SOX6: variants seen among roughly 807,000 people sequenced by gnomAD.
SOX6 encodes transcription factor SOX-6.
SOX6 carries 11 observed loss-of-function variants against 97.8 expected under a neutral mutation model. The ratio of observed to expected loss-of-function variants is 0.11; its 90% CI spans 0.07 to 0.19. The LOEUF is 0.19. SOX6 is among the 10% of genes least tolerant of loss of function. The pLI is 1.00. For synonymous variants in SOX6, 360 were observed against 371.4 expected (o/e 0.97, Z 0.35); for missense variants, 810 against 1,039.5 (o/e 0.78, Z 3.04).
intron 15 of SOX6, among the ~76,000 whole-genome samples, chr11:15,979,064 TAA>T (rs1491218830): frequency 1.4e-5 from 2 of 140,458 alleles, no homozygotes; most frequent in East Asian, 2.2e-4. Flanking sequence ...TATATATATA[TAA>T]AACTGCTTAT....
chr11:16,226,962 T>G (rs1852706857), intron 4 of SOX6, among the ~76,000 whole-genome samples: 1 of 152,194 alleles, frequency 6.6e-6, no homozygotes, highest in South Asian at 2.1e-4. Context: ...ATAACTACTT[T>G]GTATTGTATT....
At chr11:16,126,752 T>C (rs1489851600) in intron 6 of SOX6, among the ~76,000 whole-genome samples, 1 of 152,148 alleles carries the variant, frequency 6.6e-6, no homozygotes, top group African/African-American at 2.4e-5. Flanking sequence ...CACAAAGCTC[T>C]AACTGTCTAA....
At chr11:16,370,398 C>A (rs958080823) in intron 1 of SOX6, among the ~76,000 whole-genome samples, 1 of 151,986 alleles carries the variant, frequency 6.6e-6, no homozygotes, top group South Asian at 2.1e-4. Flanking sequence ...TCAGGCAGAC[C>A]AAAAGATTGA....
rs934640516 is a variant in SOX6, at chr11:16,691,131, G to T, written n.429+23699C>A. The stretch of plus-strand genomic sequence containing the variant: ...CATTCCTGTTTTCATGACCCTCCTT[G>T]GAGTTAGTTGGCACAATCCTGATAA... On this transcript the variant is annotated intron_variant and non_coding_transcript_variant, in intron 3 of 5. Coordinates refer to the SOX6 transcript ENST00000524520. Among the ~76,000 whole-genome samples, 76 of 152,240 alleles carry T rather than the reference G, an allele frequency of 5.0e-4. 1 individual carries two copies. Among genetic ancestry groups the T allele is most frequent in the Non-Finnish European group, 2.6e-4 (18 of 68,018 alleles).
At chr11:16,264,516 A>G (rs1854011280) in intron 3 of SOX6, 2 of 151,996 alleles carry the variant, frequency 1.3e-5, no homozygotes, top group African/African-American at 2.4e-5. Flanking sequence ...AATTACAAAT[A>G]ATAAGTCAAC....
At chr11:16,010,482 G>C (rs1854685605) in intron 13 of SOX6, among the ~76,000 whole-genome samples, 1 of 151,950 alleles carries the variant, frequency 6.6e-6, no homozygotes, top group Non-Finnish European at 1.5e-5. Flanking sequence ...TCCCAAAAAG[G>C]CTGGGACAGA....
At chr11:16,265,559 C>T (rs1854058146) in intron 3 of SOX6, among the ~76,000 whole-genome samples, 2 of 151,740 alleles carry the variant, frequency 1.3e-5, no homozygotes, top group Non-Finnish European at 2.9e-5. Context: ...TTTTAAAAAT[C>T]AGGTGTGCAG....
chr11:16,284,558 T>C (rs1196874548), intron 3 of SOX6, among the ~76,000 whole-genome samples: 3 of 152,120 alleles, frequency 2.0e-5, no homozygotes, highest in Non-Finnish European at 4.4e-5. Context: ...ATTGATCGCC[T>C]TTTATGTTCT....
chr11:16,402,884 G>A, intron 1 of SOX6: 1 of 1,515,896 alleles, frequency 6.6e-7, no homozygotes, highest in Non-Finnish European at 8.9e-7. Flanking sequence ...ACACTCAGTT[G>A]GGCTGAATTC....
At chr11:16,516,041 G>A (rs528419748) in intron 4 of SOX6, among the ~76,000 whole-genome samples, 1 of 151,432 alleles carries the variant, frequency 6.6e-6, no homozygotes, top group South Asian at 2.1e-4. Context: ...GCTCTTTTTT[G>A]GTTCCATATG....
intron 2 of SOX6, among the ~76,000 whole-genome samples, chr11:16,326,007 T>C (rs879325952): frequency 4.6e-5 from 7 of 152,204 alleles, no homozygotes; most frequent in Non-Finnish European, 7.3e-5. Context: ...GCCTTGATCT[T>C]GGACTTCCCA....
At chr11:16,579,146 A>G (rs1320536518) in intron 4 of SOX6, among the ~76,000 whole-genome samples, 4 of 152,132 alleles carry the variant, frequency 2.6e-5, no homozygotes, top group South Asian at 4.1e-4. Flanking sequence ...GTAAATGCAT[A>G]TGAACATGAA....
intron 9 of SOX6, among the ~76,000 whole-genome samples, chr11:16,095,282 T>C (rs934806910): frequency 2.0e-5 from 3 of 151,650 alleles, no homozygotes; most frequent in African/African-American, 7.3e-5. Context: ...AAGCATGAAA[T>C]TGGAGAGAGA....
chr11:16,637,050 GT>G (rs1848800375), intron 3 of SOX6, among the ~76,000 whole-genome samples: 1 of 151,866 alleles, frequency 6.6e-6, no homozygotes. Context: ...CATTATTTTT[GT>G]TGTTGATTAG....
intron 3 of SOX6, among the ~76,000 whole-genome samples, chr11:16,290,818 A>C (rs1854889391): frequency 6.6e-6 from 1 of 152,142 alleles, no homozygotes; most frequent in Non-Finnish European, 1.5e-5. Flanking sequence ...TCTTGTCAAC[A>C]GTTTTAATAA....
chr11:16,523,914 C>A (rs1333247972), intron 4 of SOX6, among the ~76,000 whole-genome samples: 2 of 152,050 alleles, frequency 1.3e-5, no homozygotes, highest in Non-Finnish European at 2.9e-5. Flanking sequence ...ACACATACAC[C>A]CTCCCAAGAC....
chr11:16,136,647 G>A (rs1246418830), intron 6 of SOX6, among the ~76,000 whole-genome samples: 1 of 151,764 alleles, frequency 6.6e-6, no homozygotes, highest in East Asian at 1.9e-4. Context: ...TCTTGCCCAG[G>A]CTGATCTCAA....
chr11:16,261,344 T>G (rs1206985064), intron 3 of SOX6, among the ~76,000 whole-genome samples: 2 of 152,106 alleles, frequency 1.3e-5, no homozygotes, highest in African/African-American at 4.8e-5. Context: ...TCAAATAATA[T>G]TTTGTGCACT....
At chr11:16,455,502 G>A (rs922354476) in intron 1 of SOX6, among the ~76,000 whole-genome samples, 3 of 151,932 alleles carry the variant, frequency 2.0e-5, no homozygotes, top group Non-Finnish European at 2.9e-5. Context: ...ATATCAACCC[G>A]AAAGGGGCTG....
Sources: gnomAD v4.1 joint callset for allele counts (sites outside exome capture counted in the v4.1 genomes callset) on GRCh38, gnomAD v4.1.1 for gene constraint, MANE v1.5 for transcripts, NCBI Gene and HGNC (gene_info 2026-07-23, HGNC 2026-07-21) for gene names.